SPATA7: variants seen among roughly 807,000 people sequenced by gnomAD.
The protein encoded by SPATA7 is spermatogenesis associated 7.
Under a neutral mutation model 51.8 loss-of-function variants are expected in SPATA7, and 43 were observed. That is an observed-to-expected ratio of 0.83 (90% CI 0.65 to 1.07). SPATA7 has a LOEUF of 1.07. Ranked by LOEUF, SPATA7 falls within the 50% of genes least tolerant of loss-of-function variation. SPATA7 has a pLI of 0.00. For missense variants in SPATA7, 683 were observed against 701.3 expected, an observed-to-expected ratio of 0.97 and a Z score of 0.30; for synonymous variants, 230 against 252.8, an observed-to-expected ratio of 0.91 and a Z score of 0.86.
chr14:88,410,178 T>C (rs961240934), intron 4 of SPATA7, among the ~76,000 whole-genome samples: 3 of 152,154 alleles, frequency 2.0e-5, no homozygotes, highest in African/African-American at 7.2e-5. Context: ...CTCTTTAATA[T>C]TGACAGTGGG....
At chr14:88,457,793 T>G (rs575734011), downstream of SPATA7, among the ~76,000 whole-genome samples, 1 of 152,162 alleles carries the variant, frequency 6.6e-6, no homozygotes, top group Non-Finnish European at 1.5e-5. Context: ...GAGGGCATCT[T>G]TGTCTTGTGC....
downstream of SPATA7, among the ~76,000 whole-genome samples, chr14:88,456,621 T>C (rs1196243762): frequency 6.8e-6 from 1 of 148,118 alleles, no homozygotes; most frequent in Non-Finnish European, 1.5e-5. Context: ...ATTCTGGATA[T>C]TAGCCCTTTG....
intron 4 of SPATA7, among the ~76,000 whole-genome samples, chr14:88,464,615 A>T (rs2077342171): frequency 6.6e-6 from 1 of 152,158 alleles, no homozygotes; most frequent in Non-Finnish European, 1.5e-5. Context: ...CTGTAATCCC[A>T]GCTACTTGGG....
At chr14:88,410,636 T>G (rs2139938891) in intron 4 of SPATA7, 1 of 152,886 alleles carries the variant, frequency 6.5e-6, no homozygotes, top group African/African-American at 2.4e-5. Context: ...TTAGTTTTCC[T>G]TCTAACAGTC....
rs1242652728 is a variant in SPATA7 at position 88,469,904 on chromosome 14, A to T, written c.*37A>T. 1 of 1,613,808 alleles carries T rather than the reference A, an allele frequency of 6.2e-7. No homozygotes were observed. ...CTTCAGAGGCTGAGAAAATCACTTA[A>T]GAGAAATAAGTACCTACCTCTTCTG... On this transcript the variant is annotated 3_prime_UTR_variant, in exon 5 of 5. Transcript: ENST00000556406. The surrounding 1 kb of genome is among the most constrained non-coding windows in gnomAD (Gnocchi z 4.3).
At chr14:88,386,455 G>A (rs1351315087) in intron 1 of SPATA7, among the ~76,000 whole-genome samples, 2 of 152,110 alleles carry the variant, frequency 1.3e-5, no homozygotes, top group African/African-American at 4.8e-5. Context: ...AGGTCCCTTG[G>A]GGGTGGCTGA....
intron 3 of SPATA7, among the ~76,000 whole-genome samples, chr14:88,445,332 T>C (rs2077204175): frequency 6.6e-6 from 1 of 151,608 alleles, no homozygotes; most frequent in Non-Finnish European, 1.5e-5. Flanking sequence ...TGTACATTGA[T>C]TTTGTATCCA....
chr14:88,403,678 T>TA (rs2076130300), intron 4 of SPATA7, among the ~76,000 whole-genome samples: 1 of 152,046 alleles, frequency 6.6e-6, no homozygotes, highest in Admixed American at 6.6e-5. Flanking sequence ...TAAACATGTG[T>TA]ATGTGCAATC....
rs2075780198 is a variant in SPATA7 at position 88,392,869 on chromosome 14, G to A, written c.95-524G>A. ...GTTTAATGTCATGGAATTTCTTTGC[G>A]ATTACACTTGTTATAAGATAGTTTT... On this transcript the variant is annotated intron_variant, in intron 2 of 11. Coordinates refer to ENST00000393545, the MANE Select transcript of SPATA7 (RefSeq NM_018418.5). Among the ~76,000 whole-genome samples the A allele has an allele frequency of 2.6e-5, 4 of 152,048 alleles. No individual in the cohort carries two copies. In the South Asian group the frequency reaches 8.3e-4, roughly 32 times the overall value.
chr14:88,462,340 G>A (rs2077323099), intron 4 of SPATA7, among the ~76,000 whole-genome samples: 2 of 152,196 alleles, frequency 1.3e-5, no homozygotes. Flanking sequence ...TATTGAATCT[G>A]TACTAGTCTC....
chr14:88,386,579 T>A (rs2075584689), intron 1 of SPATA7, among the ~76,000 whole-genome samples: 1 of 152,146 alleles, frequency 6.6e-6, no homozygotes, highest in Admixed American at 6.5e-5. Context: ...ATTTCTTGAG[T>A]CAGGTGGACA....
At chr14:88,429,975 A>G (rs548499853) in intron 8 of SPATA7, among the ~76,000 whole-genome samples, 54 of 151,788 alleles carry the variant, frequency 3.6e-4, no homozygotes, top group African/African-American at 1.3e-3. Context: ...GTGCGGTCTC[A>G]GCTCACTGCA....
downstream of SPATA7, among the ~76,000 whole-genome samples, chr14:88,441,906 C>T (rs1197282938): frequency 6.6e-6 from 1 of 152,160 alleles, no homozygotes; most frequent in Non-Finnish European, 1.5e-5. Context: ...TGGTCATGAA[C>T]ACTTTGCCTA....
chr14:88,448,409 A>G (rs1270466929), intron 3 of SPATA7, among the ~76,000 whole-genome samples: 1 of 152,094 alleles, frequency 6.6e-6, no homozygotes, highest in East Asian at 1.9e-4. Context: ...AAAGTTTTCA[A>G]CTTCTTTGCC....
intron 7 of SPATA7, chr14:88,427,940 G>A (rs917947682): frequency 2.5e-6 from 1 of 405,390 alleles, no homozygotes; most frequent in African/African-American, 2.0e-5. Context: ...TAGATGATTG[G>A]TTGGCTGGCT....
chr14:88,413,850 G>A (rs529469100), intron 4 of SPATA7, among the ~76,000 whole-genome samples: 10 of 151,892 alleles, frequency 6.6e-5, no homozygotes, highest in South Asian at 2.1e-4. Context: ...ATGGTGAATC[G>A]CATTTATTGA....
chr14:88,413,603 G>A (rs1409576377), intron 4 of SPATA7, among the ~76,000 whole-genome samples: 1 of 152,102 alleles, frequency 6.6e-6, no homozygotes, highest in African/African-American at 2.4e-5. Context: ...TGGTGATAGT[G>A]GGCATCCTTA....
At chr14:88,433,993 CATA>C (rs2077008299) in intron 10 of SPATA7, among the ~76,000 whole-genome samples, 1 of 151,982 alleles carries the variant, frequency 6.6e-6, no homozygotes, top group Non-Finnish European at 1.5e-5. Flanking sequence ...ATAATATTTG[CATA>C]ATATGGGTAA....
At chr14:88,433,775 G>C (rs917042794) in intron 10 of SPATA7, among the ~76,000 whole-genome samples, 2 of 152,066 alleles carry the variant, frequency 1.3e-5, no homozygotes, top group African/African-American at 4.8e-5. Flanking sequence ...ATGTAACCTA[G>C]GACCCTATTA....
Sources: allele counts gnomAD v4.1 joint callset (sites outside exome capture counted in the v4.1 genomes callset), GRCh38; gene constraint gnomAD v4.1.1; non-coding constraint Gnocchi (gnomAD v3.1); transcripts MANE v1.5; gene names NCBI Gene and HGNC (gene_info 2026-07-23, HGNC 2026-07-21).